ADCY2: variants seen among roughly 807,000 people sequenced by gnomAD.
ADCY2 encodes the protein adenylate cyclase type 2.
A neutral mutation model predicts 125.2 loss-of-function variants in ADCY2; 31 were observed. The observed-to-expected ratio is 0.25, with a 90% CI of 0.19 to 0.33. The LOEUF (loss-of-function observed/expected upper bound fraction) is 0.33. Among genes scored for constraint, ADCY2 ranks in the 10% least tolerant of loss-of-function variants. The pLI is 1.00. For synonymous variants in ADCY2, 512 were observed against 548.4 expected, an observed-to-expected ratio of 0.93 and a Z score of 0.93; for missense variants, 904 against 1,418.2, an observed-to-expected ratio of 0.64 and a Z score of 5.82.
At chr5:7,438,594 G>A (rs1357084821) in intron 2 of ADCY2, among the ~76,000 whole-genome samples, 1 of 152,154 alleles carries the variant, frequency 6.6e-6, no homozygotes, top group Non-Finnish European at 1.5e-5. Flanking sequence ...GTGAGTGCTG[G>A]AGCAGCAATA....
intron 22 of ADCY2, among the ~76,000 whole-genome samples, chr5:7,805,719 A>G (rs1358461570): frequency 6.6e-6 from 1 of 152,164 alleles, no homozygotes; most frequent in South Asian, 2.1e-4. Context: ...GAGAGTGGGG[A>G]GAGAGGCAGC....
rs1215690956 is a variant in ADCY2 at position 7,709,878 on chromosome 5, G to T, written c.1578+491G>T. ...CCTGTGACCTCCAGCATATGAGAAAGCTCCTTACACCAGGGACATCTGCGA... is the reference window on the plus strand; with the variant it reads ...CCTGTGACCTCCAGCATATGAGAAATCTCCTTACACCAGGGACATCTGCGA... On this transcript the variant is annotated intron_variant, in intron 10 of 24. Transcript: ENST00000338316. This position sits in a 1 kb window ranked among gnomAD's most constrained non-coding sequence, Gnocchi z 4.4. Among the ~76,000 whole-genome samples the T allele has an allele frequency of 1.3e-5, 2 of 152,270 alleles. No individual in the cohort carries two copies. Among genetic ancestry groups the T allele is most frequent in the Non-Finnish European group, 2.9e-5 (2 of 68,028 alleles).
chr5:7,532,342 G>A (rs4701786), intron 3 of ADCY2, among the ~76,000 whole-genome samples: 57,433 of 152,100 alleles, frequency 0.38, 12,190 homozygotes, highest in Non-Finnish European at 0.47. Flanking sequence ...CCACTTGTGA[G>A]TTCTCTCATT....
chr5:7,784,298 A>G, intron 18 of ADCY2, 67 bp from the exon 19 acceptor site: 1 of 1,149,842 alleles, frequency 8.7e-7, no homozygotes, highest in African/African-American at 1.5e-5. Context: ...TGATATTCAA[A>G]TTCTAAGTCC....
chr5:7,698,126 T>G, intron 6 of ADCY2, 121 bp from the exon 7 acceptor site: 1 of 1,229,974 alleles, frequency 8.1e-7, no homozygotes, highest in Non-Finnish European at 1.1e-6. Context: ...CTGGTTCTCA[T>G]TGCTCTCTCC....
intron 1 of ADCY2, among the ~76,000 whole-genome samples, chr5:7,401,046 A>G (rs1739244929): frequency 1.3e-5 from 2 of 152,170 alleles, no homozygotes; most frequent in Non-Finnish European, 2.9e-5. Context: ...GGCTTTGTCC[A>G]TTTCCACTTC....
chr5:7,661,001 TGCA>T, intron 4 of ADCY2, among the ~76,000 whole-genome samples: 1 of 152,200 alleles, frequency 6.6e-6, no homozygotes, highest in Non-Finnish European at 1.5e-5. Context: ...AAATCTTCAC[TGCA>T]TGACTGGCTT....
intron 2 of ADCY2, among the ~76,000 whole-genome samples, chr5:7,520,354 TC>T (rs1744397478): frequency 6.6e-6 from 1 of 152,084 alleles, no homozygotes; most frequent in Admixed American, 6.5e-5. Context: ...TCCACCCCCG[TC>T]CCCGATGATG....
intron 15 of ADCY2, among the ~76,000 whole-genome samples, chr5:7,756,905 C>A (rs191936996): frequency 1.2e-4 from 18 of 152,246 alleles, no homozygotes; most frequent in Admixed American, 1.2e-3. Flanking sequence ...CCCACAAGAC[C>A]AGACGAGACC....
chr5:7,676,638 T>C (rs1740136453), intron 4 of ADCY2, among the ~76,000 whole-genome samples: 1 of 152,238 alleles, frequency 6.6e-6, no homozygotes, highest in Admixed American at 6.5e-5. Flanking sequence ...CTGTCTTGTT[T>C]GTTTTAAGGC....
At chr5:7,397,707 TA>T (rs1739115223) in intron 1 of ADCY2, among the ~76,000 whole-genome samples, 1 of 151,968 alleles carries the variant, frequency 6.6e-6, no homozygotes, top group Admixed American at 6.6e-5. Context: ...TTTTAAAAAA[TA>T]AAAAAATTCC....
chr5:7,708,658 T>A (rs1472878667), intron 9 of ADCY2, among the ~76,000 whole-genome samples: 1 of 152,162 alleles, frequency 6.6e-6, no homozygotes, highest in Non-Finnish European at 1.5e-5. Flanking sequence ...TTTATGGACA[T>A]TTACTTATGG....
At chr5:7,610,381 C>T (rs1737537601) in intron 3 of ADCY2, among the ~76,000 whole-genome samples, 1 of 152,058 alleles carries the variant, frequency 6.6e-6, no homozygotes, top group South Asian at 2.1e-4. Context: ...AGAAAGGGCC[C>T]AGCTGCTGCT....
intron 22 of ADCY2, among the ~76,000 whole-genome samples, chr5:7,814,220 T>C (rs1745032196): frequency 6.9e-6 from 1 of 144,824 alleles, no homozygotes; most frequent in Non-Finnish European, 1.5e-5. Context: ...TGGAATGATA[T>C]AATTCACCTG....
intron 3 of ADCY2, among the ~76,000 whole-genome samples, chr5:7,547,429 G>A (rs1735180299): frequency 6.6e-6 from 1 of 152,196 alleles, no homozygotes; most frequent in Non-Finnish European, 1.5e-5. Flanking sequence ...GCTTAATGGA[G>A]CAGTCATAGG....
Position 7,789,693 on chromosome 5 carries a change from G to C in ADCY2, c.2521G>C (p.Glu841Gln). The change falls in exon 20 of 25, where the codon GAG (glutamate) becomes CAG (glutamine). Residue 841 changes from glutamate to glutamine, a missense_variant. Around this residue, in one of 7 missense-constraint regions of ADCY2, gnomAD observed 181 missense variants for 381.6 expected, o/e 0.47. Transcript: ENST00000338316. ...DFLWKNKFKK[E>Q]REEIETMENL... ...CTTATGGAAGAACAAATTCAAAAAA[G>C]AGCGGGAGGAGATAGAGACCATGGA... 1 of 1,613,874 alleles carries C rather than the reference G, an allele frequency of 6.2e-7. No individual in the cohort carries two copies. Among genetic ancestry groups the C allele is most frequent in the East Asian group, 2.2e-5 (1 of 44,882 alleles).
At chr5:7,473,309 C>G (rs138914430) in intron 2 of ADCY2, among the ~76,000 whole-genome samples, 7 of 152,044 alleles carry the variant, frequency 4.6e-5, no homozygotes, top group Non-Finnish European at 8.8e-5. Context: ...TCCAACATGG[C>G]GGAAGGAATA....
At chr5:7,496,496 A>G (rs886600875) in intron 2 of ADCY2, among the ~76,000 whole-genome samples, 3 of 152,210 alleles carry the variant, frequency 2.0e-5, no homozygotes, top group South Asian at 2.1e-4. Flanking sequence ...TTGATATATA[A>G]TAGCTGAATG....
chr5:7,728,543 T>C (rs892260284), intron 14 of ADCY2, among the ~76,000 whole-genome samples: 1 of 152,148 alleles, frequency 6.6e-6, no homozygotes, highest in African/African-American at 2.4e-5. Context: ...AGTTTTCCAT[T>C]CAAACAAATG....
Sources: allele counts gnomAD v4.1 joint callset (sites outside exome capture counted in the v4.1 genomes callset), GRCh38; gene constraint gnomAD v4.1.1; regional missense constraint gnomAD v4.1.1; non-coding constraint Gnocchi (gnomAD v3.1); transcripts MANE v1.5; gene names NCBI Gene and HGNC (gene_info 2026-07-23, HGNC 2026-07-21).